TMEM236: variants seen among roughly 807,000 people sequenced by gnomAD.
TMEM236 encodes the protein family with sequence similarity 23, member A.
In TMEM236, 11 loss-of-function variants were observed where a neutral mutation model predicts 14.7. That is an observed-to-expected ratio of 0.75 (90% CI 0.47 to 1.24). TMEM236 has a LOEUF of 1.24. Among genes scored for constraint, TMEM236 ranks in the 50% most tolerant of loss-of-function variants. The probability of loss-of-function intolerance (pLI) is 0.00; values close to 1 mark genes in which losing one functional copy is unlikely to be tolerated. For missense variants in TMEM236, 464 were observed against 427.3 expected, an observed-to-expected ratio of 1.09 and a Z score of -0.76; for synonymous variants, 182 against 168.6, an observed-to-expected ratio of 1.08 and a Z score of -0.62.
intron 1 of TMEM236, among the ~76,000 whole-genome samples, chr10:17,762,612 T>TACATAC (rs1433133705): frequency 7.9e-5 from 6 of 75,964 alleles, no homozygotes; most frequent in African/African-American, 6.0e-4. Context: ...TATATATATA[T>TACATAC]ATATATACAC....
At position 17,779,873 on chromosome 10, in the gene TMEM236, C is replaced by T. The variant is rs1837719661; in HGVS notation, c.472+3703C>T. On this transcript the variant is annotated intron_variant, in intron 3 of 3. Coordinates refer to ENST00000377495, the MANE Select transcript of TMEM236 (RefSeq NM_001098844.3). The stretch of plus-strand genomic sequence containing the variant: ...TCTACCACTCCTGCTCGGCTCTGCT[C>T]TAAATGCTGTTGGTGCTGCTGTTGC... Among the ~76,000 whole-genome samples, 12 of 152,276 alleles carry T rather than the reference C, an allele frequency of 7.9e-5. No homozygotes were observed. The South Asian group carries it at 2.5e-3, about 32-fold the overall frequency.
chr10:17,768,277 A>G (rs1837508065), intron 1 of TMEM236, among the ~76,000 whole-genome samples: 1 of 152,012 alleles, frequency 6.6e-6, no homozygotes, highest in Non-Finnish European at 1.5e-5. Context: ...ATAGGCACAT[A>G]TATTGTTATG....
At chr10:17,788,631 C>G (rs1206224827) in intron 3 of TMEM236, among the ~76,000 whole-genome samples, 3 of 151,600 alleles carry the variant, frequency 2.0e-5, no homozygotes, top group Admixed American at 6.6e-5. Context: ...TTTTAAACCA[C>G]CTAGCTTTCT....
At chr10:17,794,925 C>T (rs1018997964) in intron 3 of TMEM236, among the ~76,000 whole-genome samples, 1 of 151,948 alleles carries the variant, frequency 6.6e-6, no homozygotes, top group East Asian at 1.9e-4. Flanking sequence ...CTACTCGGGA[C>T]GCTGAGGCAG....
chr10:17,794,422 G>A (rs934841247), intron 3 of TMEM236, among the ~76,000 whole-genome samples: 4 of 152,046 alleles, frequency 2.6e-5, no homozygotes, highest in African/African-American at 4.8e-5. Flanking sequence ...AAAAGAACTC[G>A]TTATACCTTC....
At chr10:17,761,583 A>G (rs1837363636) in intron 1 of TMEM236, among the ~76,000 whole-genome samples, 2 of 151,576 alleles carry the variant, frequency 1.3e-5, no homozygotes, top group Non-Finnish European at 2.9e-5. Flanking sequence ...AGTCCCCGGT[A>G]CTCAGGAGGC....
intron 1 of TMEM236, among the ~76,000 whole-genome samples, chr10:17,767,886 T>G (rs1240556732): frequency 6.6e-6 from 1 of 151,288 alleles, no homozygotes; most frequent in Non-Finnish European, 1.5e-5. Context: ...TGATTACAAT[T>G]TTTACTAGAT....
At chr10:17,758,609 C>G (rs1483536550) in intron 1 of TMEM236, among the ~76,000 whole-genome samples, 2 of 152,200 alleles carry the variant, frequency 1.3e-5, no homozygotes, top group African/African-American at 4.8e-5. Context: ...AGCATAGCAA[C>G]TGGTCTGTAG....
chr10:17,780,812 C>T (rs1777380188), intron 3 of TMEM236, among the ~76,000 whole-genome samples: 1 of 152,154 alleles, frequency 6.6e-6, no homozygotes, highest in Admixed American at 6.5e-5. Context: ...GAGAGCAGCT[C>T]TCTCTCTTTC....
At chr10:17,752,932 TTTTG>T (rs1361330024) in intron 1 of TMEM236, among the ~76,000 whole-genome samples, 1 of 151,672 alleles carries the variant, frequency 6.6e-6, no homozygotes, top group African/African-American at 2.4e-5. Flanking sequence ...TTGTTTGTTT[TTTTG>T]TTTGTTGTTT....
At chr10:17,771,874 G>C (rs34674029) in intron 2 of TMEM236, among the ~76,000 whole-genome samples, 8,156 of 151,918 alleles carry the variant, frequency 0.054, 316 homozygotes, top group East Asian at 0.17. Context: ...ATAGAAACCA[G>C]CAGGGCAGGA....
intron 1 of TMEM236, among the ~76,000 whole-genome samples, chr10:17,765,207 G>A (rs1392302246): frequency 6.6e-6 from 1 of 152,014 alleles, no homozygotes; most frequent in Non-Finnish European, 1.5e-5. Context: ...CCTCCATAAA[G>A]ACCTATTTAC....
intron 3 of TMEM236, among the ~76,000 whole-genome samples, chr10:17,783,801 GC>G (rs1188962460): frequency 2.0e-5 from 3 of 152,096 alleles, no homozygotes; most frequent in Admixed American, 2.0e-4. Context: ...AGTATCGTAG[GC>G]AAAATAGTAG....
chr10:17,798,569 A>G lies in TMEM236; in HGVS notation c.*2065A>G, dbSNP rs1838051223. ...ATAAAAGAGAATTTGACGTTGTGTT[A>G]TTCTACGCTCCACCAAATACCTCTC... On this transcript the variant is annotated 3_prime_UTR_variant, in exon 4 of 4. Transcript: ENST00000377495. 1 of 534,278 alleles carries G rather than the reference A, an allele frequency of 1.9e-6. No individual in the cohort carries two copies. The highest frequency in any genetic ancestry group is 3.8e-6 in the Non-Finnish European group (1 of 259,892). 33.1% of individuals were successfully genotyped at this position (534,278 alleles called of 1,614,324 possible).
At chr10:17,776,321 A>G in intron 3 of TMEM236, 151 bp downstream of exon 3, 5 of 814,126 alleles carry the variant, frequency 6.1e-6, no homozygotes, top group Non-Finnish European at 9.8e-6. Context: ...TCTAAACATA[A>G]TTATTTTTAA....
chr10:17,770,230 G>C (rs1837546892), intron 1 of TMEM236, among the ~76,000 whole-genome samples: 1 of 152,064 alleles, frequency 6.6e-6, no homozygotes, highest in Non-Finnish European at 1.5e-5. Flanking sequence ...CTTGTACATA[G>C]AAAACATTAT....
chr10:17,791,279 C>T (rs949300126), intron 3 of TMEM236, among the ~76,000 whole-genome samples: 3 of 131,676 alleles, frequency 2.3e-5, no homozygotes, highest in African/African-American at 5.8e-5. Context: ...TCATCCGTGT[C>T]TCTATAAAAA....
intron 1 of TMEM236, among the ~76,000 whole-genome samples, chr10:17,760,155 A>C (rs1837339305): frequency 6.6e-6 from 1 of 152,134 alleles, no homozygotes; most frequent in Non-Finnish European, 1.5e-5. Flanking sequence ...CACCTCTGAG[A>C]GATCATTAAT....
intron 3 of TMEM236, among the ~76,000 whole-genome samples, chr10:17,786,749 T>C (rs1373935415): frequency 1.3e-5 from 2 of 152,210 alleles, no homozygotes; most frequent in South Asian, 2.1e-4. Flanking sequence ...TGCCCTGATA[T>C]GGTTTGGCTG....
Sources: allele counts gnomAD v4.1 joint callset (sites outside exome capture counted in the v4.1 genomes callset), GRCh38; gene constraint gnomAD v4.1.1; transcripts MANE v1.5; gene names NCBI Gene and HGNC (gene_info 2026-07-23, HGNC 2026-07-21).